Variants in C5 observed in about 807,000 individuals in gnomAD.
C5 encodes C3 and PZP-like alpha-2-macroglobulin domain-containing protein 4.
A neutral mutation model predicts 218.8 loss-of-function variants in C5; 140 were observed. The observed-to-expected ratio is 0.64, with a 90% CI of 0.56 to 0.74. The LOEUF is 0.74. C5 is among the 30% of genes least tolerant of loss of function. The probability of loss-of-function intolerance (pLI) is 0.00; values close to 1 mark genes in which losing one functional copy is unlikely to be tolerated. For synonymous variants in C5, 614 were observed against 682.3 expected, an observed-to-expected ratio of 0.90 and a Z score of 1.56; for missense variants, 1,700 against 1,969.6, an observed-to-expected ratio of 0.86 and a Z score of 2.59.
rs764555226 is a variant in C5 at position 120,981,861 on chromosome 9, C to T, written c.3469G>A (p.Asp1157Asn). 1.9e-6 allele frequency: 3 copies of T among 1,613,284 alleles called. No individual in the cohort carries two copies. Among genetic ancestry groups the T allele is most frequent in the Admixed American group, 1.7e-5 (1 of 60,016 alleles). Residue 1157 changes from aspartate (D) to asparagine (N), a missense_variant, in exon 27 of 41, where the codon GAT becomes AAT. By Grantham distance (23) the Asp-to-Asn change is conservative. Coordinates refer to ENST00000223642, the MANE Select transcript of C5 (RefSeq NM_001735.3). ...FTVIGIRKAF[D>N]ICPLVKIDTA... ...TTACTTACCACCAGGGGGCATATATCGAAAGCCTTTCTAATTCCAATCACA... is the reference window on the plus strand; with the variant it reads ...TTACTTACCACCAGGGGGCATATATTGAAAGCCTTTCTAATTCCAATCACA...
At chr9:121,009,848 G>C (rs935003643) in intron 17 of C5, among the ~76,000 whole-genome samples, 2 of 152,224 alleles carry the variant, frequency 1.3e-5, no homozygotes, top group African/African-American at 2.4e-5. Context: ...TGTTGGGAGA[G>C]GGAGAGTGCA....
chr9:120,970,098 C>G, intron 32 of C5, 72 bp downstream of exon 32: 1 of 1,038,744 alleles, frequency 9.6e-7, no homozygotes, highest in Non-Finnish European at 1.5e-6. Context: ...TTTTACTAAT[C>G]AGAGAAGCTC....
At chr9:121,021,016 AACTATGTT>A (rs1367956169) in intron 11 of C5, among the ~76,000 whole-genome samples, 37 of 152,228 alleles carry the variant, frequency 2.4e-4, no homozygotes, top group Non-Finnish European at 4.8e-4. Flanking sequence ...GTTACTTTGT[AACTATGTT>A]ACTATGTTAT....
chr9:120,968,249 G>C (rs2046883926), intron 33 of C5, among the ~76,000 whole-genome samples: 1 of 152,198 alleles, frequency 6.6e-6, no homozygotes, highest in Non-Finnish European at 1.5e-5. Context: ...AGGAGAGTCA[G>C]AGAAGGAGGT....
intron 21 of C5, among the ~76,000 whole-genome samples, 153 bp downstream of exon 21, chr9:120,997,394 G>A (rs997364025): frequency 1.3e-5 from 2 of 151,934 alleles, no homozygotes; most frequent in Admixed American, 1.3e-4. Context: ...AAAATTGCAA[G>A]AATAGTACAA....
At chr9:120,980,832 T>C (rs1190876797) in intron 27 of C5, among the ~76,000 whole-genome samples, 1 of 152,010 alleles carries the variant, frequency 6.6e-6, no homozygotes, top group Non-Finnish European at 1.5e-5. Flanking sequence ...CTCCTGACCT[T>C]GTGATCCGCC....
In C5 at chr9:121,030,445, A is replaced by T. The variant is rs2047464514; in HGVS notation, c.710T>A (p.Phe237Tyr). Reference protein sequence around the residue: ...FSVSIEPEYNFIGYKNFKNFE... With the variant: ...FSVSIEPEYNYIGYKNFKNFE... Reference sequence around the variant, plus strand: ...ATTCTTAAAGTTCTTGTAACCAATGAAATTATATTCTGGCTCGATTGAGAC... The same window carrying T: ...ATTCTTAAAGTTCTTGTAACCAATGTAATTATATTCTGGCTCGATTGAGAC... Residue 237 changes from phenylalanine to tyrosine, a missense_variant, in exon 7 of 41, where the codon TTC becomes TAC. Physicochemically the swap from Phe to Tyr is conservative, Grantham distance 22. Coordinates refer to ENST00000223642, the MANE Select transcript of C5 (RefSeq NM_001735.3). The T allele has an allele frequency of 1.3e-6, 2 of 1,546,340 alleles. No individual in the cohort carries two copies. Among genetic ancestry groups the T allele is most frequent in the South Asian group, 2.4e-5 (2 of 82,472 alleles).
chr9:120,988,013 G>A (rs935288558), intron 25 of C5, among the ~76,000 whole-genome samples: 8 of 152,062 alleles, frequency 5.3e-5, no homozygotes, highest in East Asian at 1.9e-4. Flanking sequence ...GGATGGTCTC[G>A]ATCTCTTGAC....
intron 3 of C5, among the ~76,000 whole-genome samples, chr9:121,040,308 T>C (rs1368622338): frequency 2.6e-5 from 4 of 152,144 alleles, no homozygotes; most frequent in African/African-American, 9.7e-5. Context: ...AGGAGGTCAG[T>C]TTGGCTTGTG....
At chr9:121,043,324 C>G (rs539253708) in intron 2 of C5, among the ~76,000 whole-genome samples, 158 bp from the exon 3 acceptor site, 5 of 152,222 alleles carry the variant, frequency 3.3e-5, no homozygotes, top group Admixed American at 6.5e-5. Flanking sequence ...AAATTTTGCC[C>G]GAAGCCCTTC....
the C5 span, among the ~76,000 whole-genome samples, chr9:121,066,083 G>T: frequency 6.6e-6 from 1 of 151,978 alleles, no homozygotes; most frequent in Admixed American, 6.6e-5. Context: ...GGGAGGCCGA[G>T]GCAGGCAGAT....
chr9:120,975,824 A>G (rs41312845), intron 29 of C5, among the ~76,000 whole-genome samples: 1 of 152,330 alleles, frequency 6.6e-6, no homozygotes, highest in African/African-American at 2.4e-5. Flanking sequence ...CAATGGACTA[A>G]GGCAATGTCC....
At chr9:121,035,553 A>G (rs2047516997) in intron 4 of C5, among the ~76,000 whole-genome samples, 1 of 152,106 alleles carries the variant, frequency 6.6e-6, no homozygotes, top group African/African-American at 2.4e-5. Context: ...CAGGCAACAT[A>G]AGTGAGGCCC....
At position 120,989,729 on chromosome 9, in the gene C5, T is replaced by C. The variant is rs746253765; in HGVS notation, c.2993A>G (p.Asn998Ser). 1 of 1,614,048 alleles carries C rather than the reference T, an allele frequency of 6.2e-7. No homozygotes were observed. The highest frequency in any genetic ancestry group is 8.5e-7 in the Non-Finnish European group (1 of 1,180,022). ...CCCTTTGGGGAGGTGGGTTAGGATA[T>C]TGATGCCTTCCTGACTTAGAACTGC... Reference protein sequence around the residue: ...LSAVLSQEGINILTHLPKGSA... With the variant: ...LSAVLSQEGISILTHLPKGSA... The change falls in exon 24 of 41, where the codon AAT becomes AGT. Residue 998 changes from asparagine to serine, a missense_variant. Physicochemically the swap from Asn to Ser is conservative, Grantham distance 46. Coordinates refer to ENST00000223642, the MANE Select transcript of C5 (RefSeq NM_001735.3).
At position 120,996,245 on chromosome 9, in the gene C5, A is replaced by G. The variant is rs767014712; in HGVS notation, c.2846T>C (p.Ile949Thr). ...YSGVTLDPRG[I>T]YGTISRRKEF... is the part of the protein sequence containing the mutation. Reference sequence around the variant, plus strand: ...TAAAAAATCATTTTGCCTACCATAAATACCCCTAGGATCCAAAGTAACACC... The same window carrying G: ...TAAAAAATCATTTTGCCTACCATAAGTACCCCTAGGATCCAAAGTAACACC... The change falls in exon 22 of 41, where the codon ATT (isoleucine) becomes ACT (threonine). Residue 949 changes from isoleucine to threonine, a missense_variant. Physicochemically the swap from Ile to Thr is moderately conservative, Grantham distance 89. Transcript: ENST00000223642. The G allele has an allele frequency of 1.2e-6, 2 of 1,607,210 alleles. No homozygotes were observed. The highest frequency in any genetic ancestry group is 1.7e-6 in the Non-Finnish European group (2 of 1,173,792).
chr9:121,050,426 G>C, upstream of C5: 1 of 623,582 alleles, frequency 1.6e-6, no homozygotes, highest in East Asian at 2.8e-5. Context: ...ATACAGATAG[G>C]GAGTACTTTA....
upstream of C5, chr9:121,050,279 A>G: frequency 1.3e-6 from 2 of 1,510,106 alleles, no homozygotes; most frequent in African/African-American, 1.4e-5. Context: ...CGGATATAAC[A>G]CTTTTGAGGA....
chr9:121,025,396 T>C, intron 9 of C5, 58 bp downstream of exon 9: 1 of 1,439,308 alleles, frequency 6.9e-7, no homozygotes, highest in Non-Finnish European at 9.2e-7. Flanking sequence ...ATATTCTGTC[T>C]AAATATTTTT....
rs781649644 is a variant in C5 at position 121,005,914 on chromosome 9, C to G, written c.2562+5G>C. 1 of 1,613,260 alleles carries G rather than the reference C, an allele frequency of 6.2e-7. No individual in the cohort carries two copies. Among genetic ancestry groups the G allele is most frequent in the Non-Finnish European group, 8.5e-7 (1 of 1,179,452 alleles). On this transcript the variant is annotated splice_donor_5th_base_variant and intron_variant, in intron 20 of 40. Coordinates refer to ENST00000223642, the MANE Select transcript of C5 (RefSeq NM_001735.3). ...TTTATCCCATAAATATTAACACCTA[C>G]TTACCTGCATCCCAGAAGTCCTATA... is the stretch of plus-strand genomic sequence containing the variant.
Sources: gnomAD v4.1 joint callset for allele counts (sites outside exome capture counted in the v4.1 genomes callset) on GRCh38, gnomAD v4.1.1 for gene constraint, MANE v1.5 for transcripts, NCBI Gene and HGNC (gene_info 2026-07-23, HGNC 2026-07-21) for gene names.